Variants in DBH observed in about 807,000 individuals in gnomAD.
The protein encoded by DBH is dopamine beta-hydroxylase, also known as dopamine beta-hydroxylase (dopamine beta-monooxygenase).
A neutral mutation model predicts 64.0 loss-of-function variants in DBH; 49 were observed. That is an observed-to-expected ratio of 0.77 (90% CI 0.61 to 0.97). The LOEUF (loss-of-function observed/expected upper bound fraction) is 0.97. DBH is among the 50% of genes least tolerant of loss of function. The pLI is 0.00. For missense variants in DBH, 828 were observed against 826.6 expected (o/e 1.00, Z -0.02); for synonymous variants, 343 against 347.1 (o/e 0.99, Z 0.13).
In DBH at chr9:133,643,697, C is replaced by T; in HGVS notation, c.921+108C>T. The stretch of plus-strand genomic sequence containing the variant: ...CTCAGAGGCTTCAAGAAGGGGCTCC[C>T]AAGGGGGCTCACGAGGCCACCAGAA... On this transcript the variant is annotated intron_variant, in intron 4 of 11. Transcript: ENST00000393056. This position sits in a 1 kb window ranked among gnomAD's most constrained non-coding sequence, Gnocchi z 5.3. 7.5e-7 allele frequency: 1 copy of T among 1,331,818 alleles called. No individual in the cohort carries two copies. The highest frequency in any genetic ancestry group is 1.0e-6 in the Non-Finnish European group (1 of 961,906). 82.5% of individuals were successfully genotyped at this position (1,331,818 alleles called of 1,614,324 possible).
At chr9:133,642,563 G>A in intron 3 of DBH, 99 bp downstream of exon 3, 3 of 1,442,652 alleles carry the variant, frequency 2.1e-6, no homozygotes, top group Non-Finnish European at 2.8e-6. Flanking sequence ...GTCCTGGTTG[G>A]ACCAGGTGTC....
intron 5 of DBH, among the ~76,000 whole-genome samples, chr9:133,646,027 TGAA>T (rs780410324): frequency 9.2e-5 from 14 of 152,104 alleles, no homozygotes; most frequent in Admixed American, 2.6e-4. Flanking sequence ...CAGAAAAGCA[TGAA>T]GAAGATGAAA....
intron 11 of DBH, among the ~76,000 whole-genome samples, chr9:133,657,518 G>GA: frequency 6.6e-6 from 1 of 150,838 alleles, no homozygotes; most frequent in African/African-American, 2.5e-5. Flanking sequence ...GAGAGAGAGA[G>GA]GGAGAGAGAG....
In DBH at chr9:133,639,894, G is replaced by A. The variant is rs765113530; in HGVS notation, c.388G>A (p.Asp130Asn). The change falls in exon 2 of 12, where the codon GAC (aspartate) becomes AAC (asparagine). Residue 130 changes from aspartate to asparagine, a missense_variant. By Grantham distance (23) the Asp-to-Asn change is conservative (BLOSUM62 1). Transcript: ENST00000393056. The stretch of plus-strand genomic sequence containing the variant: ...GCAGATCCACCTGGATCCCCAGCAG[G>A]ACTACCAGCTGCTGCAGGTGCAGAG... ...KGQIHLDPQQ[D>N]YQLLQVQRTP... 1 of 1,613,186 alleles carries A rather than the reference G, an allele frequency of 6.2e-7. No homozygotes were observed. Among genetic ancestry groups the A allele is most frequent in the East Asian group, 2.2e-5 (1 of 44,876 alleles).
chr9:133,652,291 GC>G lies in DBH; in HGVS notation c.1374+10del. 6.2e-7 allele frequency: 1 copy of G among 1,613,074 alleles called. No homozygotes were observed. On this transcript the variant is annotated splice_region_variant and intron_variant, in intron 8 of 11. Transcript: ENST00000393056. Reference sequence around the variant, plus strand: ...GGTCGTGTCGGTCCATCCGGTGAGTGCCCAGCGGGAAGGCTGTCCCACTCAC... The same window carrying G: ...GGTCGTGTCGGTCCATCCGGTGAGTGCCAGCGGGAAGGCTGTCCCACTCAC...
chr9:133,644,890 CCT>C (rs1340672533), intron 5 of DBH, among the ~76,000 whole-genome samples: 2 of 152,122 alleles, frequency 1.3e-5, no homozygotes, highest in African/African-American at 4.8e-5. Context: ...AAAATACTTC[CCT>C]CTCTCTGTTG....
In DBH at chr9:133,645,043, TC is replaced by T. The variant is rs1183310978; in HGVS notation, c.1024+724del. On this transcript the variant is annotated intron_variant, in intron 5 of 11. Transcript: ENST00000393056. ...TTCTCTCTCTCTGAATGGTGCTTCT[TC>T]TTTTCATTTGTGCAAGGTGCAGAAG... is the stretch of plus-strand genomic sequence containing the variant. Among the ~76,000 whole-genome samples, 3 of 152,268 alleles carry T rather than the reference TC, an allele frequency of 2.0e-5. No homozygotes were observed. The East Asian group carries it at 5.8e-4, about 29-fold the overall frequency.
At chr9:133,638,049 C>G (rs866602158) in intron 1 of DBH, among the ~76,000 whole-genome samples, 1 of 152,240 alleles carries the variant, frequency 6.6e-6, no homozygotes, top group East Asian at 1.9e-4. Context: ...AGCATTTGCT[C>G]CTCTCTGGGG....
In DBH at chr9:133,651,627, C is replaced by T; in HGVS notation, c.1192-7C>T. The T allele has an allele frequency of 6.2e-7, 1 of 1,613,464 alleles. No individual in the cohort carries two copies. Among genetic ancestry groups the T allele is most frequent in the East Asian group, 2.2e-5 (1 of 44,882 alleles). ...GGCCCTGACACTGCAGCCCCCCGAC[C>T]CCACAGGCACTGCCTCCCTCCGGGA... On this transcript the variant is annotated splice_region_variant and splice_polypyrimidine_tract_variant and intron_variant, in intron 6 of 11. Transcript: ENST00000393056.
At chr9:133,638,023 G>A (rs1832072580) in intron 1 of DBH, among the ~76,000 whole-genome samples, 1 of 152,248 alleles carries the variant, frequency 6.6e-6, no homozygotes, top group African/African-American at 2.4e-5. Context: ...CTGCCATGAG[G>A]CACCCTGAGT....
chr9:133,637,886 CACAAAG>C (rs1832071319), intron 1 of DBH, among the ~76,000 whole-genome samples: 1 of 152,152 alleles, frequency 6.6e-6, no homozygotes, highest in African/African-American at 2.4e-5. Flanking sequence ...GATTCCTGTG[CACAAAG>C]ACACTCTGTG....
rs10634262 is a variant in DBH, at chr9:133,654,127, T to TA, written c.1434+1128_1434+1129insA. 3.6e-3 allele frequency among the ~76,000 whole-genome samples: 549 copies of TA among 152,086 alleles called. 3 individuals are homozygous for TA. The highest frequency in any genetic ancestry group is 0.012 in the African/African-American group (499 of 41,418). ...TTTTATTTTATTTTATATTTTATTT[T>TA]TTTTTGAGACGGAGTCTCGCTCTGT... On this transcript the variant is annotated intron_variant, in intron 9 of 11. Coordinates refer to ENST00000393056, the MANE Select transcript of DBH (RefSeq NM_000787.4).
rs1239593207 is a variant in DBH at position 133,643,710 on chromosome 9, G to A, written c.921+121G>A. The A allele has an allele frequency of 4.6e-5, 53 of 1,155,394 alleles. No individual in the cohort carries two copies. Among genetic ancestry groups the A allele is most frequent in the Non-Finnish European group, 5.8e-5 (47 of 811,492 alleles). 71.6% of individuals were successfully genotyped at this position (1,155,394 alleles called of 1,614,324 possible). On this transcript the variant is annotated intron_variant, in intron 4 of 11. Coordinates refer to ENST00000393056, the MANE Select transcript of DBH (RefSeq NM_000787.4). The surrounding 1 kb of genome is among the most constrained non-coding windows in gnomAD (Gnocchi z 5.3). ...AGAAGGGGCTCCCAAGGGGGCTCACGAGGCCACCAGAAGGGCCAGGCCTGA... is the reference window on the plus strand; with the variant it reads ...AGAAGGGGCTCCCAAGGGGGCTCACAAGGCCACCAGAAGGGCCAGGCCTGA...
In DBH at chr9:133,657,264, C is replaced by T. The variant is rs1832336011; in HGVS notation, c.1722+35C>T. ...CATGGGCCCGGGTGGGGCATGCAGT[C>T]AGGCAGGCCTCATGGGGGGCCCCAG... On this transcript the variant is annotated intron_variant, in intron 11 of 11. Coordinates refer to ENST00000393056, the MANE Select transcript of DBH (RefSeq NM_000787.4). 33 of 1,611,984 alleles carry T rather than the reference C, an allele frequency of 2.0e-5. 1 individual carries two copies. The highest frequency in any genetic ancestry group is 2.6e-5 in the Non-Finnish European group (31 of 1,179,966).
chr9:133,651,894 G>A, intron 7 of DBH, 117 bp downstream of exon 7: 1 of 1,134,292 alleles, frequency 8.8e-7, no homozygotes, highest in Non-Finnish European at 1.3e-6. Context: ...TTTTTCCTGG[G>A]CCAGCCCCAC....
Position 133,647,849 on chromosome 9 carries a change from G to A in DBH, c.1028G>A (p.Arg343Gln), listed in dbSNP as rs369664655. The A allele has an allele frequency of 3.6e-4, 580 of 1,614,160 alleles. No individual in the cohort carries two copies. The highest frequency in any genetic ancestry group is 4.4e-4 in the Non-Finnish European group (515 of 1,180,022). The change falls in exon 6 of 12, where the codon CGA becomes CAA. Residue 343 changes from arginine to glutamine, a missense_variant. Transcript: ENST00000393056. Reference protein sequence around the residue: ...HYHNPLVIEGRNDSSGIRLYY... With the variant: ...HYHNPLVIEGQNDSSGIRLYY... ...CATCCATCCCACCTTCTCCCAGGAC[G>A]AAACGACTCCTCAGGCATCCGCTTG...
In DBH at chr9:133,643,603, G is replaced by GACCCCAGCATGGTGTCT; in HGVS notation, c.921+15_921+31dup. 6.2e-7 allele frequency: 1 copy of GACCCCAGCATGGTGTCT among 1,612,816 alleles called. No homozygotes were observed. Among genetic ancestry groups the GACCCCAGCATGGTGTCT allele is most frequent in the Non-Finnish European group, 8.5e-7 (1 of 1,179,810 alleles). ...CTGGGTGCCAAGGTGCGTGCCCTGC[G>GACCCCAGCATGGTGTCT]ACCCCAGCATGGTGTCTCCTGCCTG... On this transcript the variant is annotated intron_variant, in intron 4 of 11. Coordinates refer to ENST00000393056, the MANE Select transcript of DBH (RefSeq NM_000787.4). This position sits in a 1 kb window ranked among gnomAD's most constrained non-coding sequence, Gnocchi z 5.3.
rs1341321892 is a variant in DBH at position 133,657,211 on chromosome 9, C to T, written c.1704C>T (p.Ser568=). Reference sequence around the variant, plus strand: ...CCATCTCCATGCACTGCAACAAGTCCTCAGCCGTCCGCTTCCAGGTGCGCT... The same window carrying T: ...CCATCTCCATGCACTGCAACAAGTCTTCAGCCGTCCGCTTCCAGGTGCGCT... The part of the protein sequence containing the change: ...FAPISMHCNK[S]SAVRFQGEWN... The change falls in exon 11 of 12, where the codon TCC becomes TCT. Residue 568 remains serine (S), a synonymous_variant. Coordinates refer to ENST00000393056, the MANE Select transcript of DBH (RefSeq NM_000787.4). 6.2e-7 allele frequency: 1 copy of T among 1,614,088 alleles called. No homozygotes were observed. Among genetic ancestry groups the T allele is most frequent in the Non-Finnish European group, 8.5e-7 (1 of 1,180,050 alleles).
rs3025398 is a variant in DBH at position 133,643,657 on chromosome 9, C to T, written c.921+68C>T. 1.9e-6 allele frequency: 3 copies of T among 1,569,914 alleles called. No homozygotes were observed. The highest frequency in any genetic ancestry group is 3.4e-5 in the Admixed American group (2 of 59,080). ...CCCTGGCATCCCCACACCTCTGTTT[C>T]CCCAGCTTCACCGTCTCAGAGGCTT... On this transcript the variant is annotated intron_variant, in intron 4 of 11. Coordinates refer to ENST00000393056, the MANE Select transcript of DBH (RefSeq NM_000787.4). This position sits in a 1 kb window ranked among gnomAD's most constrained non-coding sequence, Gnocchi z 5.3.
Sources: gnomAD v4.1 joint callset for allele counts (sites outside exome capture counted in the v4.1 genomes callset) on GRCh38, gnomAD v4.1.1 for gene constraint, Gnocchi (gnomAD v3.1) non-coding constraint, MANE v1.5 for transcripts, NCBI Gene and HGNC (gene_info 2026-07-23, HGNC 2026-07-21) for gene names.